RMDN2: variants seen among roughly 807,000 people sequenced by gnomAD.
RMDN2 encodes the protein regulator of microtubule dynamics protein 2.
Under a neutral mutation model 52.8 loss-of-function variants are expected in RMDN2, and 61 were observed. That is an observed-to-expected ratio of 1.16 (90% CI 0.94 to 1.43). The LOEUF (loss-of-function observed/expected upper bound fraction) is 1.43, where lower values mean the gene tolerates loss of function less well. Ranked by LOEUF, RMDN2 falls within the 40% of genes most tolerant of loss-of-function variation. RMDN2 has a pLI of 0.00. For missense variants in RMDN2, 592 were observed against 475.3 expected, an observed-to-expected ratio of 1.25 and a Z score of -2.28; for synonymous variants, 180 against 153.1, an observed-to-expected ratio of 1.18 and a Z score of -1.30.
intron 10 of RMDN2, among the ~76,000 whole-genome samples, chr2:38,014,494 T>G (rs2125238839): frequency 6.6e-6 from 1 of 152,364 alleles, no homozygotes; most frequent in East Asian, 1.9e-4. Context: ...AAATAATTGA[T>G]GATACAGCAT....
At chr2:37,953,201 A>G (rs1445492443) in intron 2 of RMDN2, 1 of 151,968 alleles carries the variant, frequency 6.6e-6, no homozygotes, top group Admixed American at 6.6e-5. Context: ...GATAAATATA[A>G]AATTTACTAT....
chr2:38,024,854 T>C (rs1340056484), intron 10 of RMDN2, among the ~76,000 whole-genome samples: 2 of 152,136 alleles, frequency 1.3e-5, no homozygotes, highest in Non-Finnish European at 2.9e-5. Flanking sequence ...TATGCATGGG[T>C]CTGTTTCTGG....
At chr2:37,932,693 C>A (rs1237198751) in intron 2 of RMDN2, among the ~76,000 whole-genome samples, 3 of 136,810 alleles carry the variant, frequency 2.2e-5, no homozygotes, top group East Asian at 2.3e-4. Flanking sequence ...GGGGGCTGAC[C>A]CCCCCCACCT....
chr2:38,028,093 T>C (rs1489639358), intron 10 of RMDN2: 2 of 152,242 alleles, frequency 1.3e-5, no homozygotes, highest in African/African-American at 4.8e-5. Context: ...GCAATTGTAA[T>C]TAATCAAACA....
At chr2:37,956,201 T>G (rs973144509) in intron 2 of RMDN2, among the ~76,000 whole-genome samples, 3 of 152,170 alleles carry the variant, frequency 2.0e-5, no homozygotes, top group Non-Finnish European at 2.9e-5. Context: ...GGCTTTCACT[T>G]TTTGGGAGGT....
chr2:37,967,163 T>G (rs1671162401), intron 2 of RMDN2, among the ~76,000 whole-genome samples: 1 of 152,172 alleles, frequency 6.6e-6, no homozygotes. Context: ...GTCCTCTAAT[T>G]GAAGAAAACC....
intron 10 of RMDN2, among the ~76,000 whole-genome samples, chr2:38,007,475 T>G (rs1467260715): frequency 6.6e-6 from 1 of 152,202 alleles, no homozygotes; most frequent in Non-Finnish European, 1.5e-5. Context: ...TCTTCCAGAT[T>G]TTCTAGTTTA....
chr2:37,951,309 G>A (rs768893870), intron 2 of RMDN2: 8 of 1,612,676 alleles, frequency 5.0e-6, no homozygotes, highest in East Asian at 2.2e-5. Context: ...GCATCGTGGA[G>A]CCTCTTCTAT....
intron 7 of RMDN2, among the ~76,000 whole-genome samples, chr2:37,996,428 T>C (rs1040981006): frequency 2.0e-5 from 3 of 151,576 alleles, no homozygotes; most frequent in African/African-American, 7.3e-5. Flanking sequence ...CTACAAAAAA[T>C]TTAAAAAATT....
At chr2:37,922,235 C>T (rs1666051836), upstream of RMDN2, among the ~76,000 whole-genome samples, 1 of 152,102 alleles carries the variant, frequency 6.6e-6, no homozygotes, top group Non-Finnish European at 1.5e-5. Flanking sequence ...ACTAATTATA[C>T]CTGCAGCTCA....
rs780940110 is a variant in RMDN2 at position 37,945,202 on chromosome 2, C to T, written c.452+15473C>T. Among the ~76,000 whole-genome samples, 8 of 152,308 alleles carry T rather than the reference C, an allele frequency of 5.3e-5. No individual in the cohort carries two copies. The South Asian group carries it at 1.7e-3, about 32-fold the overall frequency. On this transcript the variant is annotated intron_variant, in intron 2 of 10. Transcript: ENST00000354545. The stretch of plus-strand genomic sequence containing the variant: ...TTTGTTATTTTCCTAATCAGTGTCC[C>T]TGTTACCATTAAATCTGTAAATATA...
At chr2:38,005,401 G>GT (rs1676938601) in intron 10 of RMDN2, among the ~76,000 whole-genome samples, 1 of 152,228 alleles carries the variant, frequency 6.6e-6, no homozygotes, top group South Asian at 2.1e-4. Context: ...ATTCTAACTG[G>GT]TGTGAGATGG....
At chr2:37,977,913 T>C (rs1262390000) in intron 4 of RMDN2, among the ~76,000 whole-genome samples, 2 of 151,080 alleles carry the variant, frequency 1.3e-5, no homozygotes, top group Non-Finnish European at 3.0e-5. Flanking sequence ...ACTTCCTAGA[T>C]GGGGTGGCGG....
Position 38,012,743 on chromosome 2 carries a change from G to T in RMDN2, c.1180-4443G>T, listed in dbSNP as rs138234198. 2.1e-3 allele frequency: 699 copies of T among 340,830 alleles called. 2 individuals carry two copies. Among genetic ancestry groups the T allele is most frequent in the African/African-American group, 0.014 (632 of 45,746 alleles). 21.1% of individuals were successfully genotyped at this position (340,830 alleles called of 1,614,324 possible). A position where few individuals can be genotyped will look rare whatever the true frequency, so the allele number is the denominator to read the frequency against. ...CCTCCATCTCTATAAAGTTTTTTCAGATTGAAATATACCCCATTAGTGATT... is the reference window on the plus strand; with the variant it reads ...CCTCCATCTCTATAAAGTTTTTTCATATTGAAATATACCCCATTAGTGATT... On this transcript the variant is annotated intron_variant, in intron 10 of 10. Transcript: ENST00000354545.
chr2:38,021,841 A>C (rs1486140298), downstream of RMDN2, among the ~76,000 whole-genome samples: 1 of 152,220 alleles, frequency 6.6e-6, no homozygotes, highest in African/African-American at 2.4e-5. Context: ...CCCACAGTTC[A>C]TGTCATGCTG....
intron 2 of RMDN2, among the ~76,000 whole-genome samples, chr2:37,958,022 G>A (rs1669706652): frequency 6.6e-6 from 1 of 152,208 alleles, no homozygotes; most frequent in Non-Finnish European, 1.5e-5. Context: ...TTTGGTACCA[G>A]TACCATGCTG....
At chr2:37,945,379 C>T (rs1167398548) in intron 2 of RMDN2, among the ~76,000 whole-genome samples, 2 of 152,316 alleles carry the variant, frequency 1.3e-5, no homozygotes, top group East Asian at 3.9e-4. Context: ...AGCTTACATG[C>T]TATTGGTCAT....
At chr2:37,978,191 G>A (rs60712622) in intron 4 of RMDN2, among the ~76,000 whole-genome samples, 10,902 of 152,100 alleles carry the variant, frequency 0.072, 406 homozygotes, top group East Asian at 0.1. Context: ...GTGGTGATGC[G>A]TGCCTGCAAT....
chr2:37,936,499 C>T lies in RMDN2; in HGVS notation c.452+6770C>T, dbSNP rs538235659. Among the ~76,000 whole-genome samples, 22 of 152,292 alleles carry T rather than the reference C, an allele frequency of 1.4e-4. No homozygotes were observed. In the South Asian group the frequency reaches 4.6e-3, roughly 32 times the overall value. ...CTTCCAAAATGGTTAAACTAATTTACACTCCCACCAACAGTGTAAAGTGTT... is the reference window on the plus strand; with the variant it reads ...CTTCCAAAATGGTTAAACTAATTTATACTCCCACCAACAGTGTAAAGTGTT... On this transcript the variant is annotated intron_variant, in intron 2 of 10. Transcript: ENST00000354545.
Sources: gnomAD v4.1 joint callset for allele counts (sites outside exome capture counted in the v4.1 genomes callset) on GRCh38, gnomAD v4.1.1 for gene constraint, MANE v1.5 for transcripts, NCBI Gene and HGNC (gene_info 2026-07-23, HGNC 2026-07-21) for gene names.